Variants in GATA4 observed in about 807,000 individuals in gnomAD.
The protein encoded by GATA4 is GATA binding protein 4.
Under a neutral mutation model 37.9 loss-of-function variants are expected in GATA4, and 7 were observed. That is an observed-to-expected ratio of 0.18 (90% CI 0.11 to 0.35). GATA4 has a LOEUF of 0.35. Among genes scored for constraint, GATA4 ranks in the 10% least tolerant of loss-of-function variants. The probability of loss-of-function intolerance (pLI) is 1.00; values close to 1 mark genes in which losing one functional copy is unlikely to be tolerated. For missense variants in GATA4, 647 were observed against 653.0 expected (o/e 0.99, Z 0.10); for synonymous variants, 372 against 292.6 (o/e 1.27, Z -2.77).
intron 2 of GATA4, among the ~76,000 whole-genome samples, chr8:11,730,262 G>T (rs1801141738): frequency 6.6e-6 from 1 of 152,148 alleles, no homozygotes; most frequent in South Asian, 2.1e-4. Flanking sequence ...TGTCTTCGCT[G>T]CAGGAGTGAC....
chr8:11,680,696 C>G, intron 1 of GATA4: 1 of 985,318 alleles, frequency 1.0e-6, no homozygotes, highest in Admixed American at 6.1e-5. Flanking sequence ...CTTGGGGAGA[C>G]CGGAATCCTC....
At chr8:11,739,432 A>G (rs1001046985) in intron 2 of GATA4, among the ~76,000 whole-genome samples, 2 of 151,990 alleles carry the variant, frequency 1.3e-5, no homozygotes, top group East Asian at 3.8e-4. Context: ...TTTTATTGCT[A>G]GCAAGAGTGG....
At position 11,758,618 on chromosome 8, in the gene GATA4, C is replaced by A; in HGVS notation, c.*143C>A. The A allele has an allele frequency of 1.2e-6, 1 of 817,624 alleles. No homozygotes were observed. Among genetic ancestry groups the A allele is most frequent in the Non-Finnish European group, 2.1e-6 (1 of 487,044 alleles). The allele number at this position is 817,624 out of a possible 1,614,324, so 50.6% of individuals were successfully genotyped here. On this transcript the variant is annotated 3_prime_UTR_variant, in exon 7 of 7. Transcript: ENST00000532059. ...CAACTGGGAAGAAACTTGAAGTCGA[C>A]AATCTGGTTAGGGGAAGCGGGTGTT...
At chr8:11,736,425 G>T (rs1313729612) in intron 2 of GATA4, among the ~76,000 whole-genome samples, 1 of 152,214 alleles carries the variant, frequency 6.6e-6, no homozygotes, top group Non-Finnish European at 1.5e-5. Flanking sequence ...ACCTCTACTT[G>T]CGTCTGGAAT....
At chr8:11,753,772 C>G (rs528759542) in intron 4 of GATA4, among the ~76,000 whole-genome samples, 1 of 152,154 alleles carries the variant, frequency 6.6e-6, no homozygotes, top group African/African-American at 2.4e-5. Flanking sequence ...TTAACCATTG[C>G]GTGTTCATGT....
At position 11,728,513 on chromosome 8, in the gene GATA4, TG is replaced by T. The variant is rs373138450; in HGVS notation, c.616+19586del. On this transcript the variant is annotated intron_variant, in intron 2 of 6. Coordinates refer to ENST00000532059, the MANE Select transcript of GATA4 (RefSeq NM_001308093.3). ...CCTTCTAAGTAGCTGGGACTACAGG[TG>T]TGCACCACCATACCCAGCTTTTTTT... Among the ~76,000 whole-genome samples the T allele has an allele frequency of 7.5e-3, 1,142 of 151,888 alleles. 5 individuals are homozygous for T. Among genetic ancestry groups the T allele is most frequent in the African/African-American group, 0.026 (1,067 of 41,456 alleles).
At chr8:11,683,902 G>A (rs1054625069) in intron 1 of GATA4, among the ~76,000 whole-genome samples, 6 of 152,218 alleles carry the variant, frequency 3.9e-5, no homozygotes, top group Non-Finnish European at 5.9e-5. Flanking sequence ...TTTGAAACTG[G>A]CTCTGTGAAC....
At chr8:11,748,584 G>C (rs1802140761) in intron 2 of GATA4, among the ~76,000 whole-genome samples, 1 of 152,178 alleles carries the variant, frequency 6.6e-6, no homozygotes, top group Non-Finnish European at 1.5e-5. Context: ...AGCAAGGTTT[G>C]CGTGGACCTC....
At chr8:11,736,309 A>G (rs1033663512) in intron 2 of GATA4, among the ~76,000 whole-genome samples, 1 of 152,254 alleles carries the variant, frequency 6.6e-6, no homozygotes, top group African/African-American at 2.4e-5. Flanking sequence ...GCCACGTTGA[A>G]TGCTTTCACA....
intron 4 of GATA4, among the ~76,000 whole-genome samples, chr8:11,752,681 A>G (rs1802361065): frequency 6.6e-6 from 1 of 152,246 alleles, no homozygotes; most frequent in Admixed American, 6.5e-5. Context: ...ATGTAAGAAT[A>G]TATAACAGGC....
chr8:11,749,089 A>T lies in GATA4; in HGVS notation c.786+4A>T. ...CATCAAGCCTCAGCGCCGGCTGGTAAGCACGTGCCTCGCAGCCTCCTCTGG... is the reference window on the plus strand; with the variant it reads ...CATCAAGCCTCAGCGCCGGCTGGTATGCACGTGCCTCGCAGCCTCCTCTGG... On this transcript the variant is annotated splice_donor_region_variant and intron_variant, in intron 3 of 6. Coordinates refer to ENST00000532059, the MANE Select transcript of GATA4 (RefSeq NM_001308093.3). This position sits in a 1 kb window ranked among gnomAD's most constrained non-coding sequence, Gnocchi z 4.6. 3 of 1,614,086 alleles carry T rather than the reference A, an allele frequency of 1.9e-6. No homozygotes were observed. Among genetic ancestry groups the T allele is most frequent in the Non-Finnish European group, 2.5e-6 (3 of 1,179,988 alleles).
chr8:11,743,063 G>A (rs1366499650), intron 2 of GATA4, among the ~76,000 whole-genome samples: 1 of 152,230 alleles, frequency 6.6e-6, no homozygotes. Context: ...CAGCTGCCCC[G>A]GGCACGGGCC....
chr8:11,756,505 T>C (rs527571867), intron 5 of GATA4: 13 of 234,662 alleles, frequency 5.5e-5, no homozygotes, highest in South Asian at 4.4e-4. Flanking sequence ...AAAACCTATT[T>C]TGAACAGACA....
At chr8:11,692,429 A>G (rs2129981739), upstream of GATA4, 1 of 797,332 alleles carries the variant, frequency 1.3e-6, no homozygotes, top group South Asian at 5.7e-5. Flanking sequence ...TATCTTATCT[A>G]TCACTATATA....
chr8:11,758,378 C>T lies in GATA4; in HGVS notation c.1235C>T (p.Ala412Val), dbSNP rs55633527. 3,734 of 1,614,136 alleles carry T rather than the reference C, an allele frequency of 2.3e-3. 23 individuals carry two copies. The highest frequency in any genetic ancestry group is 1.6e-3 in the Non-Finnish European group (1,942 of 1,179,966). Residue 412 changes from alanine (A) to valine (V), a missense_variant, in exon 7 of 7, where the codon GCG becomes GTG. Transcript: ENST00000532059. ...CTGAAGCTCTCCCCACAAGGCTATG[C>T]GTCTCCCGTCAGCCAGTCTCCACAG... Reference protein sequence around the residue: ...SALKLSPQGYASPVSQSPQTS... With the variant: ...SALKLSPQGYVSPVSQSPQTS...
At chr8:11,729,887 A>G (rs73205106) in intron 2 of GATA4, among the ~76,000 whole-genome samples, 11,777 of 152,224 alleles carry the variant, frequency 0.077, 506 homozygotes, top group South Asian at 0.12. Context: ...AACCCAATAT[A>G]TAATTCCTGG....
intron 2 of GATA4, among the ~76,000 whole-genome samples, chr8:11,726,813 C>A (rs1292245200): frequency 6.6e-6 from 1 of 152,184 alleles, no homozygotes; most frequent in Non-Finnish European, 1.5e-5. Context: ...CTGATGGTGC[C>A]CTCCTGGCTT....
intron 1 of GATA4, among the ~76,000 whole-genome samples, chr8:11,699,055 T>G (rs1485324337): frequency 6.6e-6 from 1 of 152,220 alleles, no homozygotes; most frequent in Non-Finnish European, 1.5e-5. Flanking sequence ...TTTTTAAAAT[T>G]TTAATCATTC....
intron 1 of GATA4, chr8:11,680,393 A>C: frequency 1.2e-6 from 1 of 811,718 alleles, no homozygotes; most frequent in Non-Finnish European, 1.5e-6. Flanking sequence ...ATTCATTGCC[A>C]CTTTCCCGCC....
Sources: allele counts gnomAD v4.1 joint callset (sites outside exome capture counted in the v4.1 genomes callset), GRCh38; gene constraint gnomAD v4.1.1; non-coding constraint Gnocchi (gnomAD v3.1); transcripts MANE v1.5; gene names NCBI Gene and HGNC (gene_info 2026-07-23, HGNC 2026-07-21).